The following TESK2 variants were observed in gnomAD, a reference collection of about 807,000 sequenced individuals.
The protein encoded by TESK2 is testis associated actin remodelling kinase 2.
In TESK2, 39 loss-of-function variants were observed where a neutral mutation model predicts 57.1. That is an observed-to-expected ratio of 0.68 (90% CI 0.53 to 0.89). TESK2 has a LOEUF of 0.89. Among genes scored for constraint, TESK2 ranks in the 40% least tolerant of loss-of-function variants. TESK2 has a pLI of 0.00. For synonymous variants in TESK2, 249 were observed against 267.9 expected, an observed-to-expected ratio of 0.93 and a Z score of 0.69; for missense variants, 646 against 732.1, an observed-to-expected ratio of 0.88 and a Z score of 1.36.
chr1:45,347,697 T>TG lies in TESK2; in HGVS notation c.624-5dup. 2 of 1,613,946 alleles carry TG rather than the reference T, an allele frequency of 1.2e-6. No homozygotes were observed. The highest frequency in any genetic ancestry group is 1.7e-6 in the Non-Finnish European group (2 of 1,179,914). ...GGCCAGCTTCTCACTCCCCATGCTG[T>TG]GGGGTGAGATTATACAGAAAATGAG... On this transcript the variant is annotated splice_region_variant and splice_polypyrimidine_tract_variant and intron_variant, in intron 6 of 10. Transcript: ENST00000372086.
At chr1:45,436,748 A>C (rs549819344) in intron 2 of TESK2, among the ~76,000 whole-genome samples, 54 of 151,130 alleles carry the variant, frequency 3.6e-4, no homozygotes, top group African/African-American at 1.2e-3. Context: ...TTGGCCTCCC[A>C]AAGTGCTGGG....
At chr1:45,412,266 AG>A (rs924555909) in intron 3 of TESK2, among the ~76,000 whole-genome samples, 2 of 152,260 alleles carry the variant, frequency 1.3e-5, no homozygotes, top group African/African-American at 4.8e-5. Flanking sequence ...AATTCACTCC[AG>A]GTGAAAGTGA....
At chr1:45,425,798 A>T (rs1650666485) in intron 2 of TESK2, among the ~76,000 whole-genome samples, 1 of 152,052 alleles carries the variant, frequency 6.6e-6, no homozygotes, top group Non-Finnish European at 1.5e-5. Flanking sequence ...CAGATACTAA[A>T]CTTTCTATGG....
intron 2 of TESK2, among the ~76,000 whole-genome samples, chr1:45,423,035 G>A (rs968803396): frequency 1.5e-4 from 23 of 151,724 alleles, no homozygotes; most frequent in African/African-American, 4.8e-4. Context: ...CCCAGCCACC[G>A]TGCCTGGCCT....
At chr1:45,433,731 T>C (rs569437214) in intron 2 of TESK2, among the ~76,000 whole-genome samples, 1 of 152,336 alleles carries the variant, frequency 6.6e-6, no homozygotes, top group South Asian at 2.1e-4. Context: ...CTGTGAATAG[T>C]GCTGCAATAA....
At chr1:45,437,328 A>G (rs1404309556) in intron 2 of TESK2, among the ~76,000 whole-genome samples, 1 of 152,002 alleles carries the variant, frequency 6.6e-6, no homozygotes, top group Non-Finnish European at 1.5e-5. Context: ...GCTGTACTGT[A>G]ATTGGGATTG....
chr1:45,385,208 A>G (rs966669274), intron 4 of TESK2: 2 of 305,960 alleles, frequency 6.5e-6, no homozygotes, highest in African/African-American at 4.5e-5. Context: ...AATAGGCCCT[A>G]TACAAACCTA....
intron 4 of TESK2, among the ~76,000 whole-genome samples, chr1:45,384,937 G>A (rs564797005): frequency 6.6e-6 from 1 of 152,106 alleles, no homozygotes; most frequent in South Asian, 2.1e-4. Context: ...ACATTCTAGT[G>A]CCTTCAGTAA....
At chr1:45,482,517 G>A (rs1557590956) in intron 1 of TESK2, among the ~76,000 whole-genome samples, 1 of 150,138 alleles carries the variant, frequency 6.7e-6, no homozygotes, top group Non-Finnish European at 1.5e-5. Context: ...AACTGCCCCT[G>A]TCTCAAAAAA....
chr1:45,487,604 G>A (rs1653535858), intron 1 of TESK2, among the ~76,000 whole-genome samples: 1 of 152,056 alleles, frequency 6.6e-6, no homozygotes. Context: ...TACAAAATCT[G>A]GTCTTCAACC....
At chr1:45,412,881 G>A (rs1042804591) in intron 3 of TESK2, among the ~76,000 whole-genome samples, 1 of 152,144 alleles carries the variant, frequency 6.6e-6, no homozygotes, top group Non-Finnish European at 1.5e-5. Flanking sequence ...TTAGCCAAGT[G>A]TGGCGGCATA....
chr1:45,479,813 C>CTTTTTTT (rs35869444), intron 1 of TESK2, among the ~76,000 whole-genome samples: 6 of 68,526 alleles, frequency 8.8e-5, no homozygotes, highest in African/African-American at 2.7e-4. Context: ...GAAGGCCCTT[C>CTTTTTTT]TTTTTTTTTT....
chr1:45,349,776 C>T (rs960295913), intron 5 of TESK2, among the ~76,000 whole-genome samples: 2 of 152,188 alleles, frequency 1.3e-5, no homozygotes, highest in Non-Finnish European at 2.9e-5. Flanking sequence ...CACAGGTACC[C>T]AGAAGGAGCT....
intron 1 of TESK2, among the ~76,000 whole-genome samples, chr1:45,460,415 G>A (rs1464422278): frequency 6.6e-6 from 1 of 152,086 alleles, no homozygotes; most frequent in African/African-American, 2.4e-5. Context: ...AGCTACTCGG[G>A]AAGCTGAGGC....
At chr1:45,420,937 A>G (rs576432085) in intron 3 of TESK2, among the ~76,000 whole-genome samples, 1 of 152,326 alleles carries the variant, frequency 6.6e-6, no homozygotes, top group East Asian at 1.9e-4. Flanking sequence ...ATATCAAAAT[A>G]ATTAAAGCAA....
chr1:45,476,957 G>C (rs367902824), intron 1 of TESK2, among the ~76,000 whole-genome samples: 59 of 151,266 alleles, frequency 3.9e-4, no homozygotes, highest in African/African-American at 1.3e-3. Flanking sequence ...AGGAGCCACC[G>C]CACCTGGCCG....
intron 2 of TESK2, among the ~76,000 whole-genome samples, chr1:45,428,263 T>C (rs1246447990): frequency 6.6e-6 from 1 of 152,208 alleles, no homozygotes; most frequent in Non-Finnish European, 1.5e-5. Context: ...AAATTAAATC[T>C]TTCTCAAGAT....
chr1:45,352,731 T>G (rs963460957), intron 5 of TESK2, among the ~76,000 whole-genome samples: 27 of 150,902 alleles, frequency 1.8e-4, no homozygotes, highest in Non-Finnish European at 3.1e-4. Context: ...TAGGAGACAC[T>G]TGTGTGTGTG....
At chr1:45,476,476 C>T (rs746697092) in intron 1 of TESK2, among the ~76,000 whole-genome samples, 8 of 151,430 alleles carry the variant, frequency 5.3e-5, no homozygotes, top group East Asian at 1.9e-4. Context: ...CACCGCACTC[C>T]GGCCTCGGCA....
Sources: gnomAD v4.1 joint callset for allele counts (sites outside exome capture counted in the v4.1 genomes callset) on GRCh38, gnomAD v4.1.1 for gene constraint, MANE v1.5 for transcripts, NCBI Gene and HGNC (gene_info 2026-07-23, HGNC 2026-07-21) for gene names.